FAM120B: variants seen among roughly 807,000 people sequenced by gnomAD.
The protein encoded by FAM120B is family with sequence similarity 120 member B, also known as constitutive coactivator of peroxisome proliferator-activated receptor gamma.
Under a neutral mutation model 96.3 loss-of-function variants are expected in FAM120B, and 83 were observed. The ratio of observed to expected loss-of-function variants is 0.86; its 90% CI spans 0.72 to 1.03. The LOEUF is 1.03. Among genes scored for constraint, FAM120B ranks in the 50% least tolerant of loss-of-function variants. The pLI is 0.00. For synonymous variants in FAM120B, 407 were observed against 402.7 expected (o/e 1.01, Z -0.13); for missense variants, 1,027 against 1,121.2 (o/e 0.92, Z 1.20).
At chr6:170,319,398 G>A (rs775715108) in intron 2 of FAM120B, among the ~76,000 whole-genome samples, 2 of 152,228 alleles carry the variant, frequency 1.3e-5, no homozygotes, top group African/African-American at 2.4e-5. Context: ...CGGGCGTGGT[G>A]GCTCATGCCT....
At chr6:170,383,065 T>C (rs1395563288) in intron 6 of FAM120B, among the ~76,000 whole-genome samples, 6 of 147,884 alleles carry the variant, frequency 4.1e-5, no homozygotes, top group Non-Finnish European at 8.9e-5. Flanking sequence ...ATTTAGCCAA[T>C]GTGACTGGAG....
chr6:170,390,567 T>G (rs555924762), intron 7 of FAM120B, among the ~76,000 whole-genome samples: 1 of 152,354 alleles, frequency 6.6e-6, no homozygotes, highest in East Asian at 1.9e-4. Context: ...TTTCTTGATC[T>G]GCTGATGTTG....
chr6:170,357,779 G>A (rs537503105), intron 5 of FAM120B, among the ~76,000 whole-genome samples: 2 of 152,352 alleles, frequency 1.3e-5, no homozygotes, highest in African/African-American at 2.4e-5. Context: ...AGTCTAACCT[G>A]ACTAGAAATT....
chr6:170,367,340 G>A (rs1428016191), intron 6 of FAM120B, among the ~76,000 whole-genome samples: 3 of 152,220 alleles, frequency 2.0e-5, no homozygotes, highest in Non-Finnish European at 4.4e-5. Context: ...TAAATGGTTA[G>A]GGAAAAAGTC....
At chr6:170,317,295 C>A in intron 1 of FAM120B, 75 bp from the exon 2 acceptor site, 2 of 1,152,594 alleles carry the variant, frequency 1.7e-6, no homozygotes, top group Non-Finnish European at 2.5e-6. Flanking sequence ...ATATTAACTA[C>A]TGTGTTTGCT....
rs998666224 is a variant in FAM120B at position 170,389,922 on chromosome 6, A to G, written c.2491-1091A>G. Among the ~76,000 whole-genome samples, 9 of 152,240 alleles carry G rather than the reference A, an allele frequency of 5.9e-5. No homozygotes were observed. In the South Asian group the frequency reaches 1.9e-3, roughly 32 times the overall value. ...TGCAAAAGTGCCCCACAGATATCAG[A>G]CTAATCTGATAGGTGTAGTTATGAT... On this transcript the variant is annotated intron_variant, in intron 7 of 10. Coordinates refer to ENST00000476287, the MANE Select transcript of FAM120B (RefSeq NM_032448.3).
At chr6:170,377,827 T>A (rs1221329159) in intron 6 of FAM120B, among the ~76,000 whole-genome samples, 5 of 144,206 alleles carry the variant, frequency 3.5e-5, no homozygotes, top group Admixed American at 3.4e-4. Context: ...TGCTCGGTGC[T>A]GTGCACACGC....
chr6:170,394,963 A>T (rs1790651263), intron 8 of FAM120B, among the ~76,000 whole-genome samples: 1 of 152,266 alleles, frequency 6.6e-6, no homozygotes, highest in Admixed American at 6.5e-5. Flanking sequence ...ACCTTTAAAA[A>T]ATCACATGAG....
intron 4 of FAM120B, among the ~76,000 whole-genome samples, chr6:170,332,272 A>C (rs1243676393): frequency 6.6e-6 from 1 of 152,246 alleles, no homozygotes; most frequent in African/African-American, 2.4e-5. Flanking sequence ...ATAATTCAAA[A>C]GACAAGATTT....
rs71010657 is a variant in FAM120B, at chr6:170,361,198, GTATATATATATA to G, written c.2283+2907_2283+2918del. Among the ~76,000 whole-genome samples the G allele has an allele frequency of 7.7e-3, 510 of 66,028 alleles. 7 individuals are homozygous for G. Among genetic ancestry groups the G allele is most frequent in the South Asian group, 0.017 (34 of 1,944 alleles). The allele number at this position is 66,028 out of a possible 152,430, so 43.3% of individuals were successfully genotyped here. On this transcript the variant is annotated intron_variant, in intron 6 of 10. Coordinates refer to ENST00000476287, the MANE Select transcript of FAM120B (RefSeq NM_032448.3). Reference sequence around the variant, plus strand: ...GCCTTAAAACTATATATATATACGTGTATATATATATATATATATATATATATATATATATAT... The same window carrying G: ...GCCTTAAAACTATATATATATACGTGTATATATATATATATATATATATAT...
intron 6 of FAM120B, among the ~76,000 whole-genome samples, chr6:170,371,514 T>C (rs1161871041): frequency 6.6e-6 from 1 of 152,222 alleles, no homozygotes; most frequent in Non-Finnish European, 1.5e-5. Flanking sequence ...TTTTTTGATA[T>C]GTACCTTTTG....
At chr6:170,347,912 T>TCTTA (rs1787298999) in intron 4 of FAM120B, among the ~76,000 whole-genome samples, 3 of 152,214 alleles carry the variant, frequency 2.0e-5, no homozygotes, top group Non-Finnish European at 2.9e-5. Flanking sequence ...GAAAGTGCAG[T>TCTTA]ATCCCTCAAA....
At chr6:170,404,275 C>A in intron 9 of FAM120B, 1 of 390,428 alleles carries the variant, frequency 2.6e-6, no homozygotes. Flanking sequence ...ATAGTAAATG[C>A]CTAGAAATCA....
Position 170,323,258 on chromosome 6 carries a change from AG to A in FAM120B, c.1915+1del. 6.2e-7 allele frequency: 1 copy of A among 1,611,718 alleles called. No individual in the cohort carries two copies. Among genetic ancestry groups the A allele is most frequent in the Non-Finnish European group, 8.5e-7 (1 of 1,178,992 alleles). On this transcript the variant is annotated frameshift_variant and splice_region_variant, in exon 3 of 11. Coordinates refer to ENST00000476287, the MANE Select transcript of FAM120B (RefSeq NM_032448.3). LOFTEE classifies it high-confidence loss of function. ...ACTCACTCTTACTGGAGGACTGTCA[AG>A]GTGAGAATTGGTTGGTCCCTCTTAG... ...VYSLLLEDCQ[D>X]VTSTCLAVKE...
rs775947746 is a variant in FAM120B, at chr6:170,323,212, G to A, written c.1868G>A (p.Arg623His). The change falls in exon 3 of 11, where the codon CGT (arginine) becomes CAT (histidine). Residue 623 changes from arginine to histidine, a missense_variant. Around this residue, in one of 3 missense-constraint regions of FAM120B, gnomAD observed 880 missense variants for 980.9 expected, o/e 0.90. Transcript: ENST00000476287. The part of the protein sequence containing the change: ...QALPSQAFIY[R>H]PIRQRVYSLL... ...TTACCCAGCCAGGCCTTCATTTACC[G>A]TCCCATTCGACAGCGGGTCTACTCA... 8.1e-6 allele frequency: 13 copies of A among 1,613,912 alleles called. No homozygotes were observed. Among genetic ancestry groups the A allele is most frequent in the South Asian group, 2.2e-5 (2 of 91,070 alleles).
upstream of FAM120B, chr6:170,295,318 C>A: frequency 1.4e-6 from 1 of 693,088 alleles, no homozygotes; most frequent in Non-Finnish European, 2.6e-6. The surrounding 1 kb of genome is among the most constrained non-coding windows in gnomAD (Gnocchi z 7.8). Flanking sequence ...CAGATGTGTT[C>A]ACACTCGGTT....
At chr6:170,327,718 T>A (rs989951552) in intron 3 of FAM120B, among the ~76,000 whole-genome samples, 1 of 149,704 alleles carries the variant, frequency 6.7e-6, no homozygotes, top group East Asian at 2.0e-4. Context: ...TTATACACAC[T>A]GCACATGCAG....
intron 6 of FAM120B, among the ~76,000 whole-genome samples, chr6:170,365,034 G>A (rs1788689818): frequency 1.3e-5 from 2 of 152,234 alleles, no homozygotes; most frequent in Non-Finnish European, 2.9e-5. Flanking sequence ...GAGAGGAGGA[G>A]AGGATGGGGC....
intron 7 of FAM120B, 67 bp downstream of exon 7, chr6:170,388,560 G>T: frequency 7.4e-7 from 1 of 1,347,182 alleles, no homozygotes; most frequent in African/African-American, 1.4e-5. Context: ...CAAAAAACAT[G>T]AAGTCGGCTG....
Sources: allele counts gnomAD v4.1 joint callset (sites outside exome capture counted in the v4.1 genomes callset), GRCh38; gene constraint gnomAD v4.1.1; regional missense constraint gnomAD v4.1.1; non-coding constraint Gnocchi (gnomAD v3.1); transcripts MANE v1.5; gene names NCBI Gene and HGNC (gene_info 2026-07-23, HGNC 2026-07-21).